ZNF726: variants seen among roughly 807,000 people sequenced by gnomAD.
ZNF726 encodes the protein zinc finger protein 92 pseudogene 3.
In ZNF726, 15 loss-of-function variants were observed where a neutral mutation model predicts 11.6. The observed-to-expected ratio is 1.29, with a 90% CI of 0.86 to 1.99. ZNF726 has a LOEUF of 1.99. ZNF726 is among the 30% of genes most tolerant of loss of function. ZNF726 has a pLI of 0.00. For synonymous variants in ZNF726, 295 were observed against 243.6 expected, an observed-to-expected ratio of 1.21 and a Z score of -1.96; for missense variants, 890 against 725.6, an observed-to-expected ratio of 1.23 and a Z score of -2.60.
chr19:23,917,509 C>A (rs1467969288), intron 1 of ZNF726, among the ~76,000 whole-genome samples: 1 of 150,184 alleles, frequency 6.7e-6, no homozygotes, highest in Non-Finnish European at 1.5e-5. Flanking sequence ...AAAAAAAAAT[C>A]TCTGTTCAAT....
At chr19:23,936,484 A>G (rs1704550328), downstream of ZNF726, among the ~76,000 whole-genome samples, 1 of 146,112 alleles carries the variant, frequency 6.8e-6, no homozygotes, top group Non-Finnish European at 1.5e-5. Flanking sequence ...GTGTATTCAC[A>G]TGTGAAAACA....
rs557692037 is a variant in ZNF726 at position 23,922,607 on chromosome 19, G to A, written c.226+2525G>A. On this transcript the variant is annotated intron_variant, in intron 3 of 3. Transcript: ENST00000594466. The stretch of plus-strand genomic sequence containing the variant: ...TTCTTGTCTGTAGCCAAAAACAGTG[G>A]TCATGTAGTTTGCAACCTGAACGGA... Among the ~76,000 whole-genome samples the A allele has an allele frequency of 3.9e-5, 6 of 152,302 alleles. 1 individual carries two copies. In the South Asian group the frequency reaches 1.0e-3, roughly 26 times the overall value.
At chr19:23,926,646 G>A (rs1015159850) in intron 3 of ZNF726, among the ~76,000 whole-genome samples, 1 of 150,396 alleles carries the variant, frequency 6.6e-6, no homozygotes, top group African/African-American at 2.4e-5. Context: ...AGAAATAATC[G>A]AACTTCATTT....
At position 23,932,670 on chromosome 19, in the gene ZNF726, T is replaced by C. The variant is rs1411445370; in HGVS notation, c.554T>C (p.Phe185Ser). The change falls in exon 4 of 4, where the codon TTT (phenylalanine) becomes TCT (serine). Residue 185 changes from phenylalanine to serine, a missense_variant. Physicochemically the swap from Phe to Ser is radical, Grantham distance 155. Coordinates refer to ENST00000594466, the MANE Select transcript of ZNF726 (RefSeq NM_001244038.2). Reference protein sequence around the residue: ...CKNCVKSFCMFSHKTQHKSIY... With the variant: ...CKNCVKSFCMSSHKTQHKSIY... ...AATTGTGTCAAATCATTTTGCATGT[T>C]TTCACACAAAACCCAGCATAAAAGC... 6.3e-7 allele frequency: 1 copy of C among 1,586,592 alleles called. No individual in the cohort carries two copies. The highest frequency in any genetic ancestry group is 8.5e-7 in the Non-Finnish European group (1 of 1,169,834).
chr19:23,922,293 G>A (rs148395082), intron 3 of ZNF726, among the ~76,000 whole-genome samples: 3 of 152,176 alleles, frequency 2.0e-5, no homozygotes, highest in East Asian at 3.9e-4. Flanking sequence ...CTTTCACCCA[G>A]TACAAGAGAG....
chr19:23,918,874 A>G (rs1157283631), intron 1 of ZNF726, among the ~76,000 whole-genome samples: 1 of 152,112 alleles, frequency 6.6e-6, no homozygotes, highest in Non-Finnish European at 1.5e-5. Context: ...GGGCCAAAAC[A>G]TTTGCATTAC....
chr19:23,935,009 G>C (rs974682894), downstream of ZNF726, among the ~76,000 whole-genome samples: 5 of 152,234 alleles, frequency 3.3e-5, no homozygotes, highest in Non-Finnish European at 7.3e-5. Flanking sequence ...AGACACCATA[G>C]CATGGGTGAG....
chr19:23,934,219 C>G lies in ZNF726; in HGVS notation c.*252C>G, dbSNP rs2033949820. On this transcript the variant is annotated 3_prime_UTR_variant, in exon 4 of 4. Transcript: ENST00000594466. ...AAGATAATTCATACTGGAAATAAAC[C>G]CTACAAATGTGAAAAATGTGGCAAA... 1 of 749,950 alleles carries G rather than the reference C, an allele frequency of 1.3e-6. No individual in the cohort carries two copies. Among genetic ancestry groups the G allele is most frequent in the East Asian group, 2.8e-5 (1 of 35,854 alleles). 46.5% of individuals were successfully genotyped at this position (749,950 alleles called of 1,614,324 possible).
rs201781298 is a variant in ZNF726, at chr19:23,918,819, A to C, written c.4-554A>C. 1.1e-4 allele frequency among the ~76,000 whole-genome samples: 17 copies of C among 150,096 alleles called. No homozygotes were observed. In the South Asian group the frequency reaches 1.7e-3, roughly 15 times the overall value. ...CAGGCCAGAAAAACTGAAAAAAAAA[A>C]CACGACTCTTCCACTTACTGGATGT... On this transcript the variant is annotated intron_variant, in intron 1 of 3. Transcript: ENST00000594466.
intron 3 of ZNF726, among the ~76,000 whole-genome samples, chr19:23,923,211 A>G (rs1026155787): frequency 7.9e-5 from 12 of 152,130 alleles, no homozygotes; most frequent in African/African-American, 2.9e-4. Context: ...TAATTAAGCA[A>G]TGTAAGGCTA....
intron 3 of ZNF726, among the ~76,000 whole-genome samples, chr19:23,922,019 T>C (rs1599455344): frequency 6.6e-6 from 1 of 152,234 alleles, no homozygotes; most frequent in Non-Finnish European, 1.5e-5. Flanking sequence ...AAATCTATTT[T>C]CGTTGTACCC....
intron 3 of ZNF726, chr19:23,921,688 G>C (rs937249072): frequency 2.0e-5 from 3 of 152,060 alleles, no homozygotes; most frequent in African/African-American, 7.2e-5. Context: ...ATGGTTTTAA[G>C]TGTATGGAAT....
chr19:23,933,331 T>C lies in ZNF726; in HGVS notation c.1215T>C (p.Ala405=). The change falls in exon 4 of 4, where the codon GCT becomes GCC. Residue 405 remains alanine (A), a synonymous_variant. Coordinates refer to ENST00000594466, the MANE Select transcript of ZNF726 (RefSeq NM_001244038.2). ...ACAAATGTGAAGAATGTGGCAAAGC[T>C]TTTCATCGATCCTCAAATCTTACTA... ...KPYKCEECGK[A]FHRSSNLTKH... is the part of the protein sequence containing the mutation. 1 of 1,610,844 alleles carries C rather than the reference T, an allele frequency of 6.2e-7. No individual in the cohort carries two copies.
Position 23,933,893 on chromosome 19 carries a change from T to C in ZNF726, c.1777T>C (p.Tyr593His), listed in dbSNP as rs996343300. 3.1e-6 allele frequency: 5 copies of C among 1,590,156 alleles called. No homozygotes were observed. Among genetic ancestry groups the C allele is most frequent in the African/African-American group, 2.7e-5 (2 of 74,012 alleles). Reference protein sequence around the residue: ...HKIIHTGEKPYKCDECGKSFI... With the variant: ...HKIIHTGEKPHKCDECGKSFI... ...GATAATTCATACTGGAGAGAAACCT[T>C]ACAAGTGTGACGAATGTGGCAAATC... The change falls in exon 4 of 4, where the codon TAC (tyrosine) becomes CAC (histidine). Residue 593 changes from tyrosine to histidine, a missense_variant. Physicochemically the swap from Tyr to His is moderately conservative, Grantham distance 83. Coordinates refer to ENST00000594466, the MANE Select transcript of ZNF726 (RefSeq NM_001244038.2).
chr19:23,928,383 G>T (rs139082419), intron 3 of ZNF726: 9 of 151,898 alleles, frequency 5.9e-5, no homozygotes, highest in African/African-American at 2.2e-4. Context: ...TTTCTATTAC[G>T]GAAAATGGGG....
chr19:23,925,668 A>G (rs1476521351), intron 3 of ZNF726, among the ~76,000 whole-genome samples: 1 of 136,610 alleles, frequency 7.3e-6, no homozygotes, highest in African/African-American at 2.7e-5. Flanking sequence ...CAATTTGTCT[A>G]TTTCTAAATA....
intron 3 of ZNF726, among the ~76,000 whole-genome samples, chr19:23,924,443 A>G (rs1437866821): frequency 1.3e-5 from 2 of 152,140 alleles, no homozygotes; most frequent in Non-Finnish European, 2.9e-5. Context: ...AATGATGAAT[A>G]TATATTTCCT....
chr19:23,917,660 T>G lies in ZNF726; in HGVS notation c.4-1713T>G, dbSNP rs190518292. Among the ~76,000 whole-genome samples the G allele has an allele frequency of 4.8e-3, 738 of 152,288 alleles. 18 individuals carry two copies. The highest frequency in any genetic ancestry group is 4.2e-3 in the East Asian group (22 of 5,186). Reference sequence around the variant, plus strand: ...GAATATCTTTATTCTGTATCCTTTTTTGTTTGTTTACTACCTGATTTTTAA... The same window carrying G: ...GAATATCTTTATTCTGTATCCTTTTGTGTTTGTTTACTACCTGATTTTTAA... On this transcript the variant is annotated intron_variant, in intron 1 of 3. Transcript: ENST00000594466.
Position 23,943,539 on chromosome 19 carries a change from TA to T in ZNF726, c.276del (p.Glu93SerfsTer5). 1.5e-6 allele frequency: 1 copy of T among 678,746 alleles called. No homozygotes were observed. The allele number at this position is 678,746 out of a possible 1,614,324, so 42.0% of individuals were successfully genotyped here. ...GATCTGATCTCCTGCCTTGAGCAAATAAAAGAGCCCTGGAATGTGAAGAGAC... is the reference window on the plus strand; with the variant it reads ...GATCTGATCTCCTGCCTTGAGCAAATAAAGAGCCCTGGAATGTGAAGAGAC... On this transcript the variant is annotated frameshift_variant, in exon 4 of 5. Transcript: ENST00000334589. LOFTEE classifies it low-confidence loss of function (END_TRUNC).
Sources: gnomAD v4.1 joint callset for allele counts (sites outside exome capture counted in the v4.1 genomes callset) on GRCh38, gnomAD v4.1.1 for gene constraint, MANE v1.5 for transcripts, NCBI Gene and HGNC (gene_info 2026-07-23, HGNC 2026-07-21) for gene names.